ATP10B: variants seen among roughly 807,000 people sequenced by gnomAD.
ATP10B encodes the protein ATPase phospholipid transporting 10B (putative), also known as phospholipid-transporting ATPase VB.
A neutral mutation model predicts 141.2 loss-of-function variants in ATP10B; 122 were observed. The ratio of observed to expected loss-of-function variants is 0.86; its 90% CI spans 0.75 to 1.00. The LOEUF is 1.00. Among genes scored for constraint, ATP10B ranks in the 50% least tolerant of loss-of-function variants. ATP10B has a pLI of 0.00. For synonymous variants in ATP10B, 685 were observed against 692.0 expected (o/e 0.99, Z 0.16); for missense variants, 1,876 against 1,825.3 (o/e 1.03, Z -0.51).
At chr5:160,603,343 G>A (rs956111612) in intron 20 of ATP10B, 1 of 154,282 alleles carries the variant, frequency 6.5e-6, no homozygotes, top group Non-Finnish European at 1.4e-5. Flanking sequence ...AATTCAATGA[G>A]ATCCTAAATG....
chr5:160,643,069 G>A (rs533487293), intron 9 of ATP10B, among the ~76,000 whole-genome samples: 2 of 152,108 alleles, frequency 1.3e-5, no homozygotes, highest in South Asian at 2.1e-4. Context: ...ACCAGATGGT[G>A]TTGAACTCCA....
intron 7 of ATP10B, among the ~76,000 whole-genome samples, chr5:160,663,973 T>C (rs970649790): frequency 6.6e-5 from 10 of 152,076 alleles, no homozygotes; most frequent in South Asian, 6.2e-4. Flanking sequence ...ATAATAGATA[T>C]AGAACACTTA....
chr5:160,784,603 A>G (rs901614192), intron 2 of ATP10B, among the ~76,000 whole-genome samples: 3 of 152,174 alleles, frequency 2.0e-5, no homozygotes, highest in African/African-American at 7.2e-5. Flanking sequence ...TAATTATGCA[A>G]ATTGGAGAAA....
At chr5:160,690,964 CATT>C (rs1764040211) in intron 3 of ATP10B, among the ~76,000 whole-genome samples, 1 of 152,266 alleles carries the variant, frequency 6.6e-6, no homozygotes, top group East Asian at 1.9e-4. Context: ...CCCAAATGCC[CATT>C]AATGATAGAC....
intron 1 of ATP10B, among the ~76,000 whole-genome samples, chr5:160,800,275 C>G (rs771749235): frequency 6.6e-6 from 1 of 152,092 alleles, no homozygotes; most frequent in Non-Finnish European, 1.5e-5. Context: ...TCTCTCTAAG[C>G]CTCAGTTTCC....
intron 10 of ATP10B, among the ~76,000 whole-genome samples, chr5:160,639,940 A>C (rs1322694049): frequency 1.3e-5 from 2 of 152,250 alleles, no homozygotes; most frequent in African/African-American, 2.4e-5. Context: ...TTCTCATAAG[A>C]AGCACACAAC....
At chr5:160,803,240 A>G (rs548636776) in intron 1 of ATP10B, among the ~76,000 whole-genome samples, 1 of 152,202 alleles carries the variant, frequency 6.6e-6, no homozygotes, top group African/African-American at 2.4e-5. Context: ...AAGAAACCAC[A>G]CTATCACTGC....
chr5:160,617,659 C>T (rs1020056401), intron 16 of ATP10B, among the ~76,000 whole-genome samples: 4 of 152,188 alleles, frequency 2.6e-5, no homozygotes, highest in Non-Finnish European at 4.4e-5. Context: ...ATGGCAAAGC[C>T]ACACTGATAT....
At chr5:160,862,302 A>G in the ATP10B span, among the ~76,000 whole-genome samples, 1 of 151,992 alleles carries the variant, frequency 6.6e-6, no homozygotes, top group East Asian at 1.9e-4. Flanking sequence ...AGGTCACAGA[A>G]GCAGAGCTAA....
intron 1 of ATP10B, among the ~76,000 whole-genome samples, chr5:160,805,546 C>G (rs1261752993): frequency 6.6e-6 from 1 of 152,198 alleles, no homozygotes; most frequent in African/African-American, 2.4e-5. Flanking sequence ...GGTTACTACA[C>G]TAACTGGGTC....
At chr5:160,646,777 A>T (rs899599887) in intron 8 of ATP10B, among the ~76,000 whole-genome samples, 1 of 152,222 alleles carries the variant, frequency 6.6e-6, no homozygotes, top group Non-Finnish European at 1.5e-5. Context: ...CTTTTCAAAG[A>T]ATGGTAGAAA....
chr5:160,924,260 T>C, the ATP10B span, among the ~76,000 whole-genome samples: 2 of 152,240 alleles, frequency 1.3e-5, no homozygotes, highest in African/African-American at 2.4e-5. Flanking sequence ...TTGAAGGGCA[T>C]GTGTTTAATC....
intron 15 of ATP10B, among the ~76,000 whole-genome samples, chr5:160,619,819 C>CT (rs1758223505): frequency 6.6e-6 from 1 of 152,166 alleles, no homozygotes; most frequent in Admixed American, 6.5e-5. Context: ...AAGAGGAACA[C>CT]CTGAGGCTTC....
chr5:160,848,010 A>G (rs906194195), intron 1 of ATP10B, among the ~76,000 whole-genome samples: 14 of 152,154 alleles, frequency 9.2e-5, no homozygotes, highest in African/African-American at 3.4e-4. Flanking sequence ...TTATCCCTGC[A>G]CACTCCAGGT....
chr5:160,810,017 G>A (rs1039422841), intron 1 of ATP10B, among the ~76,000 whole-genome samples: 2 of 152,154 alleles, frequency 1.3e-5, no homozygotes, highest in African/African-American at 4.8e-5. Flanking sequence ...TTGACCTGAA[G>A]TTGTACATAA....
chr5:160,645,794 T>A (rs1002439553), intron 8 of ATP10B, among the ~76,000 whole-genome samples: 2 of 152,228 alleles, frequency 1.3e-5, no homozygotes, highest in African/African-American at 4.8e-5. Flanking sequence ...ATACTTCTTA[T>A]CGCTAAGTCC....
chr5:160,567,119 C>A (rs148369576), intron 25 of ATP10B, among the ~76,000 whole-genome samples: 1 of 152,234 alleles, frequency 6.6e-6, no homozygotes, highest in Non-Finnish European at 1.5e-5. Flanking sequence ...TAGTATAAAC[C>A]TTTTCCTCAA....
chr5:160,814,314 T>C (rs1773423328), intron 1 of ATP10B, among the ~76,000 whole-genome samples: 3 of 152,076 alleles, frequency 2.0e-5, no homozygotes, highest in Non-Finnish European at 2.9e-5. Context: ...CTGAAAACCA[T>C]GGCAAGAGAA....
At chr5:160,830,526 G>A (rs1311142464) in intron 1 of ATP10B, among the ~76,000 whole-genome samples, 1 of 152,052 alleles carries the variant, frequency 6.6e-6, no homozygotes, top group East Asian at 1.9e-4. Flanking sequence ...TTTTTCAAGT[G>A]TGCTCCCAGC....
Sources: gnomAD v4.1 joint callset for allele counts (sites outside exome capture counted in the v4.1 genomes callset) on GRCh38, gnomAD v4.1.1 for gene constraint, MANE v1.5 for transcripts, NCBI Gene and HGNC (gene_info 2026-07-23, HGNC 2026-07-21) for gene names.